Variants in FBRS observed in about 807,000 individuals in gnomAD.
FBRS encodes the protein probable fibrosin-1.
In FBRS, 15 loss-of-function variants were observed where a neutral mutation model predicts 86.1. The ratio of observed to expected loss-of-function variants is 0.17; its 90% CI spans 0.12 to 0.27. FBRS has a LOEUF of 0.27. Ranked by LOEUF, FBRS falls within the 10% of genes least tolerant of loss-of-function variation. The pLI, the probability that FBRS is intolerant of heterozygous loss-of-function variation, is 1.00. For synonymous variants in FBRS, 666 were observed against 575.8 expected (o/e 1.16, Z -2.24); for missense variants, 1,367 against 1,301.6 (o/e 1.05, Z -0.77).
In FBRS at chr16:30,669,896, C is replaced by T. The variant is rs374061327; in HGVS notation, c.*251C>T. ...GGGGCGTGTGCATGGGAGTGTGGCT[C>T]ATCTCGGGGGCCATGGGGCCTCCTG... On this transcript the variant is annotated 3_prime_UTR_variant, in exon 18 of 18. Coordinates refer to ENST00000356166, the MANE Select transcript of FBRS (RefSeq NM_001105079.3). This position sits in a 1 kb window ranked among gnomAD's most constrained non-coding sequence, Gnocchi z 5.9. 2.6e-5 allele frequency: 16 copies of T among 611,324 alleles called. No individual in the cohort carries two copies. Among genetic ancestry groups the T allele is most frequent in the African/African-American group, 2.0e-4 (11 of 53,914 alleles). The allele number at this position is 611,324 out of a possible 1,614,324, so 37.9% of individuals were successfully genotyped here.
At position 30,668,583 on chromosome 16, in the gene FBRS, T is replaced by G. The variant is rs138839072; in HGVS notation, c.2098T>G (p.Phe700Val). 2 of 1,612,348 alleles carry G rather than the reference T, an allele frequency of 1.2e-6. No individual in the cohort carries two copies. The highest frequency in any genetic ancestry group is 1.7e-6 in the Non-Finnish European group (2 of 1,178,920). The part of the protein sequence containing the change: ...HIDPFGRPTS[F>V]ASLAALSNGA... ...AGATCCCTTTGGGCGTCCCACAAGCTTCGCCTCTTTGGCTGCCCTCTCCAA... is the reference window on the plus strand; with the variant it reads ...AGATCCCTTTGGGCGTCCCACAAGCGTCGCCTCTTTGGCTGCCCTCTCCAA... Residue 700 changes from phenylalanine (F) to valine (V), a missense_variant, in exon 16 of 18, where the codon TTC (phenylalanine) becomes GTC (valine). By Grantham distance (50) the Phe-to-Val change is conservative. Transcript: ENST00000356166.
At chr16:30,668,317 C>T (rs1481525402) in intron 15 of FBRS, 1 of 508,780 alleles carries the variant, frequency 2.0e-6, no homozygotes, top group Admixed American at 3.3e-5. Flanking sequence ...CTCTGAGCCT[C>T]TCTGTTTTAT....
rs554420858 is a variant in FBRS at position 30,664,559 on chromosome 16, C to T, written c.1357+43C>T. 1,839 of 1,428,142 alleles carry T rather than the reference C, an allele frequency of 1.3e-3. 6 individuals carry two copies. The highest frequency in any genetic ancestry group is 1.2e-3 in the Non-Finnish European group (1,284 of 1,093,880). The allele number at this position is 1,428,142 out of a possible 1,614,324, so 88.5% of individuals were successfully genotyped here. A position where few individuals can be genotyped will look rare whatever the true frequency, so the allele number is the denominator to read the frequency against. On this transcript the variant is annotated intron_variant, in intron 7 of 17. Transcript: ENST00000356166. ...GCCGGGGGGTGGGGGGCCATCACCC[C>T]GGGCTCGGGCCCAGTTGGCTTTGGG...
In FBRS at chr16:30,669,605, C is replaced by G; in HGVS notation, c.2903C>G (p.Ser968Cys). 6.2e-7 allele frequency: 1 copy of G among 1,609,258 alleles called. No individual in the cohort carries two copies. Among genetic ancestry groups the G allele is most frequent in the Non-Finnish European group, 8.5e-7 (1 of 1,179,102 alleles). ...CTTGTGCCCGCCCCCCGGCCCAGTT[C>G]CCCACCTAGGGGCCCTGGCCCAGCT... is the stretch of plus-strand genomic sequence containing the variant. ...PPLVPAPRPS[S>C]PPRGPGPARA... The change falls in exon 18 of 18, where the codon TCC becomes TGC. Residue 968 changes from serine (S) to cysteine (C), a missense_variant. Transcript: ENST00000356166. The surrounding 1 kb of genome is among the most constrained non-coding windows in gnomAD (Gnocchi z 5.9).
Position 30,665,096 on chromosome 16 carries a change from G to C in FBRS, c.1608+17G>C. 1 of 1,611,262 alleles carries C rather than the reference G, an allele frequency of 6.2e-7. No individual in the cohort carries two copies. Reference sequence around the variant, plus strand: ...CGACATAATGTGAGTGTGTGTGTGCGTGTGCGTATGGGGTGTGTGGTGTGG... The same window carrying C: ...CGACATAATGTGAGTGTGTGTGTGCCTGTGCGTATGGGGTGTGTGGTGTGG... On this transcript the variant is annotated intron_variant, in intron 9 of 17. Transcript: ENST00000356166. The surrounding 1 kb of genome is among the most constrained non-coding windows in gnomAD (Gnocchi z 4.1).
chr16:30,665,204 C>A lies in FBRS; in HGVS notation c.1609-102C>A. Reference sequence around the variant, plus strand: ...AGCAAGAGCCTTGAGCCTGGGACAGCTCCCTGGGGGGCTTTAGGGTGGAGG... The same window carrying A: ...AGCAAGAGCCTTGAGCCTGGGACAGATCCCTGGGGGGCTTTAGGGTGGAGG... On this transcript the variant is annotated intron_variant, in intron 9 of 17. Coordinates refer to ENST00000356166, the MANE Select transcript of FBRS (RefSeq NM_001105079.3). The surrounding 1 kb of genome is among the most constrained non-coding windows in gnomAD (Gnocchi z 4.1). 1.3e-6 allele frequency: 2 copies of A among 1,512,446 alleles called. No homozygotes were observed. The highest frequency in any genetic ancestry group is 2.2e-5 in the Admixed American group (1 of 46,056). 93.7% of individuals were successfully genotyped at this position (1,512,446 alleles called of 1,614,324 possible).
chr16:30,663,101 A>G, intron 6 of FBRS: 1 of 632,680 alleles, frequency 1.6e-6, no homozygotes. Flanking sequence ...TTTTTCAGGC[A>G]GGCAAGTCTG....
Position 30,667,396 on chromosome 16 carries a change from G to A in FBRS, c.1952G>A (p.Gly651Glu). The A allele has an allele frequency of 6.4e-7, 1 of 1,551,504 alleles. No individual in the cohort carries two copies. Among genetic ancestry groups the A allele is most frequent in the Non-Finnish European group, 8.7e-7 (1 of 1,146,934 alleles). ...GGGCCCTATGGGGCCCTGCCCCCTG[G>A]GCAGGAGCTCTCCCACCCGGCCTCC... ...LPGPYGALPPGQELSHPASLF... is the reference protein window; with the variant it reads ...LPGPYGALPPEQELSHPASLF... The change falls in exon 14 of 18, where the codon GGG (glycine) becomes GAG (glutamate). Residue 651 changes from glycine (G) to glutamate (E), a missense_variant. Transcript: ENST00000356166.
rs577391112 is a variant in FBRS at position 30,658,800 on chromosome 16, C to G, written c.-719C>G. 5.3e-5 allele frequency: 8 copies of G among 152,098 alleles called. No individual in the cohort carries two copies. Among genetic ancestry groups the G allele is most frequent in the Non-Finnish European group, 1.0e-4 (7 of 68,024 alleles). 9.4% of individuals were successfully genotyped at this position (152,098 alleles called of 1,614,324 possible). A position where few individuals can be genotyped will look rare whatever the true frequency, so the allele number is the denominator to read the frequency against. On this transcript the variant is annotated 5_prime_UTR_variant, in exon 1 of 18. Transcript: ENST00000356166. The stretch of plus-strand genomic sequence containing the variant: ...TCCTTAAAGGGGTGGCCACTGAACT[C>G]GGCGGACTGCAACGCCAGCCTTAAA...
Position 30,659,881 on chromosome 16 carries a change from C to G in FBRS, c.363C>G (p.Gly121=), listed in dbSNP as rs1457051500. ...AGGAGGAGGGGGGCGCAGACGACGG[C>G]GAAGCCGAGGAGGAGCCTGAGGAGG... ...EEEEEGGADD[G]EAEEEPEEEE... is the part of the protein sequence containing the mutation. The change falls in exon 1 of 18, where the codon GGC becomes GGG. Residue 121 remains glycine (G), a synonymous_variant. Coordinates refer to ENST00000356166, the MANE Select transcript of FBRS (RefSeq NM_001105079.3). The G allele has an allele frequency of 6.5e-7, 1 of 1,546,278 alleles. No individual in the cohort carries two copies. The highest frequency in any genetic ancestry group is 2.0e-5 in the Admixed American group (1 of 50,902).
At chr16:30,662,520 T>C (rs372378685) in intron 5 of FBRS, 39 bp from the exon 6 acceptor site, 2 of 1,550,306 alleles carry the variant, frequency 1.3e-6, no homozygotes, top group South Asian at 1.2e-5. Flanking sequence ...GGGGTGAGCA[T>C]GAGCCTCAAC....
At position 30,660,189 on chromosome 16, in the gene FBRS, C is replaced by T; in HGVS notation, c.460-74C>T. The T allele has an allele frequency of 5.7e-6, 8 of 1,413,218 alleles. No individual in the cohort carries two copies. The South Asian group carries it at 1.3e-4, about 22-fold the overall frequency. 87.5% of individuals were successfully genotyped at this position (1,413,218 alleles called of 1,614,324 possible). The stretch of plus-strand genomic sequence containing the variant: ...TTTCCCGGCCCGAGGGGTACTTCGG[C>T]AACCTGGTCACCCCTAGAGGGGTTG... On this transcript the variant is annotated intron_variant, in intron 1 of 17. Coordinates refer to ENST00000356166, the MANE Select transcript of FBRS (RefSeq NM_001105079.3).
chr16:30,668,359 C>G (rs1019025209), intron 15 of FBRS: 8 of 570,232 alleles, frequency 1.4e-5, no homozygotes, highest in Non-Finnish European at 2.5e-5. Flanking sequence ...CTAACCACCT[C>G]TTGGGCTTTT....
chr16:30,666,157 A>G, intron 11 of FBRS: 1 of 447,044 alleles, frequency 2.2e-6, no homozygotes, highest in Non-Finnish European at 4.0e-6. Flanking sequence ...ACTAGGCCAG[A>G]GGTTTTCCAA....
chr16:30,667,412 C>T lies in FBRS; in HGVS notation c.1968C>T (p.His656=), dbSNP rs1348805948. The T allele has an allele frequency of 6.5e-7, 1 of 1,549,126 alleles. No homozygotes were observed. ...TGCCCCCTGGGCAGGAGCTCTCCCA[C>T]CCGGCCTCCCTCTTCACTGCGACTG... is the stretch of plus-strand genomic sequence containing the variant. ...GALPPGQELS[H]PASLFTATGA... The change falls in exon 14 of 18, where the codon CAC becomes CAT. Residue 656 remains histidine, a synonymous_variant. Coordinates refer to ENST00000356166, the MANE Select transcript of FBRS (RefSeq NM_001105079.3).
At chr16:30,660,877 A>G (rs1007688910) in intron 2 of FBRS, among the ~76,000 whole-genome samples, 2 of 152,032 alleles carry the variant, frequency 1.3e-5, no homozygotes, top group African/African-American at 4.8e-5. Flanking sequence ...GGATGGGAGG[A>G]GAGTTGTGGT....
chr16:30,666,881 C>G (rs747816565), intron 12 of FBRS, 38 bp from the exon 13 acceptor site: 1 of 1,596,824 alleles, frequency 6.3e-7, no homozygotes, highest in South Asian at 1.1e-5. Context: ...AACGTTCTTT[C>G]CTTCCCTTTC....
At position 30,665,289 on chromosome 16, in the gene FBRS, C is replaced by G. The variant is rs772154189; in HGVS notation, c.1609-17C>G. On this transcript the variant is annotated splice_polypyrimidine_tract_variant and intron_variant, in intron 9 of 17. Coordinates refer to ENST00000356166, the MANE Select transcript of FBRS (RefSeq NM_001105079.3). This position sits in a 1 kb window ranked among gnomAD's most constrained non-coding sequence, Gnocchi z 4.1. The stretch of plus-strand genomic sequence containing the variant: ...CGCCTCCACCCCCACCTGTACTAGT[C>G]CCCCTTCTCTCCACAGCCGTACACG... The G allele has an allele frequency of 1.1e-5, 17 of 1,555,660 alleles. No individual in the cohort carries two copies. In the African/African-American group the frequency reaches 2.0e-4, roughly 19 times the overall value.
rs1567547624 is a variant in FBRS at position 30,668,642 on chromosome 16, C to G, written c.2157C>G (p.Phe719Leu). 8 of 1,599,892 alleles carry G rather than the reference C, an allele frequency of 5.0e-6. No homozygotes were observed. The highest frequency in any genetic ancestry group is 6.8e-6 in the Non-Finnish European group (8 of 1,169,158). ...TTGGAGGCCTGGGCAGCCCCACATT[C>G]AGTGAGTGCGGGTGCGGTGGGGTGG... Reference protein sequence around the residue: ...GAFGGLGSPTFNSGAVFAQKE... With the variant: ...GAFGGLGSPTLNSGAVFAQKE... Residue 719 changes from phenylalanine (F) to leucine (L), a missense_variant and splice_region_variant, in exon 16 of 18, where the codon TTC becomes TTG. Physicochemically the swap from Phe to Leu is conservative, Grantham distance 22. Coordinates refer to ENST00000356166, the MANE Select transcript of FBRS (RefSeq NM_001105079.3).
Sources: allele counts gnomAD v4.1 joint callset (sites outside exome capture counted in the v4.1 genomes callset), GRCh38; gene constraint gnomAD v4.1.1; non-coding constraint Gnocchi (gnomAD v3.1); transcripts MANE v1.5; gene names NCBI Gene and HGNC (gene_info 2026-07-23, HGNC 2026-07-21).